INSR: variants seen among roughly 807,000 people sequenced by gnomAD.
INSR encodes the protein IR.
In INSR, 67 loss-of-function variants were observed where a neutral mutation model predicts 142.6. That is an observed-to-expected ratio of 0.47 (90% CI 0.39 to 0.58). The LOEUF (loss-of-function observed/expected upper bound fraction) is 0.58. Ranked by LOEUF, INSR falls within the 20% of genes least tolerant of loss-of-function variation. INSR has a pLI of 0.00. For synonymous variants in INSR, 756 were observed against 743.1 expected, an observed-to-expected ratio of 1.02 and a Z score of -0.28; for missense variants, 1,248 against 1,833.2, an observed-to-expected ratio of 0.68 and a Z score of 5.83.
At chr19:7,144,930 C>T (rs1599900012) in intron 11 of INSR, among the ~76,000 whole-genome samples, 1 of 152,028 alleles carries the variant, frequency 6.6e-6, no homozygotes. Flanking sequence ...TCTCAGCAAC[C>T]CCTAAGCCTT....
intron 2 of INSR, among the ~76,000 whole-genome samples, chr19:7,248,130 CTTTTATT>C (rs1002176980): frequency 4.6e-5 from 7 of 151,818 alleles, no homozygotes; most frequent in South Asian, 2.1e-4. Context: ...AAGACTCCAT[CTTTTATT>C]TTTTATTTTT....
intron 2 of INSR, among the ~76,000 whole-genome samples, chr19:7,224,263 A>T (rs1240756567): frequency 1.7e-4 from 12 of 72,060 alleles, no homozygotes; most frequent in Non-Finnish European, 1.7e-4. Flanking sequence ...TTTTTTTTTT[A>T]AAGACAAAGT....
chr19:7,162,818 C>T (rs1378597870), intron 9 of INSR, among the ~76,000 whole-genome samples: 1 of 151,822 alleles, frequency 6.6e-6, no homozygotes, highest in Non-Finnish European at 1.5e-5. Flanking sequence ...GAAACTCCAT[C>T]TCAAAAAAGT....
At chr19:7,201,229 T>A (rs1974944120) in intron 2 of INSR, among the ~76,000 whole-genome samples, 1 of 152,158 alleles carries the variant, frequency 6.6e-6, no homozygotes, top group Non-Finnish European at 1.5e-5. Context: ...ATTCAGAGCC[T>A]CAATTTCTGG....
At chr19:7,141,472 T>C (rs1389338969) in intron 13 of INSR, 14 of 654,282 alleles carry the variant, frequency 2.1e-5, no homozygotes, top group Non-Finnish European at 3.2e-5. Context: ...TGTGAGAAAC[T>C]AAGAAAAGTA....
chr19:7,150,650 G>A lies in INSR; in HGVS notation c.2232-118C>T. On this transcript the variant is annotated intron_variant, in intron 10 of 21. Transcript: ENST00000302850. The surrounding 1 kb of genome is among the most constrained non-coding windows in gnomAD (Gnocchi z 4.2). Reference sequence around the variant, plus strand: ...TAAGGGCACCCTGGCTTTGACCCTGGACCACTCGCTCCCATCACTTGCTAG... The same window carrying A: ...TAAGGGCACCCTGGCTTTGACCCTGAACCACTCGCTCCCATCACTTGCTAG... 1.1e-6 allele frequency: 1 copy of A among 881,672 alleles called. No homozygotes were observed. The allele number at this position is 881,672 out of a possible 1,614,324, so 54.6% of individuals were successfully genotyped here. A position where few individuals can be genotyped will look rare whatever the true frequency, so the allele number is the denominator to read the frequency against.
chr19:7,283,746 A>G (rs1968269866), intron 1 of INSR, among the ~76,000 whole-genome samples: 1 of 151,988 alleles, frequency 6.6e-6, no homozygotes. Flanking sequence ...CCAGTTTTAA[A>G]CCACTTGCAG....
chr19:7,143,181 G>A, intron 11 of INSR, 91 bp from the exon 12 acceptor site: 1 of 1,440,842 alleles, frequency 6.9e-7, no homozygotes, highest in South Asian at 1.2e-5. Flanking sequence ...TGATTAAGAA[G>A]AAAGATCAGA....
chr19:7,230,081 C>T (rs542470541), intron 2 of INSR, among the ~76,000 whole-genome samples: 4 of 152,186 alleles, frequency 2.6e-5, no homozygotes, highest in African/African-American at 9.6e-5. Flanking sequence ...CATGAGTCAG[C>T]GTACCCGGCT....
At chr19:7,186,782 G>A (rs1030465143) in intron 2 of INSR, among the ~76,000 whole-genome samples, 14 of 151,922 alleles carry the variant, frequency 9.2e-5, no homozygotes, top group African/African-American at 2.9e-4. Context: ...TCAGCTCACT[G>A]TAACCTCTGC....
chr19:7,186,131 G>A (rs1304969684), intron 2 of INSR, among the ~76,000 whole-genome samples: 1 of 152,130 alleles, frequency 6.6e-6, no homozygotes, highest in Non-Finnish European at 1.5e-5. Flanking sequence ...GGGAGGGGAG[G>A]TTGCAGGGAG....
At chr19:7,263,832 T>G (rs546244823) in intron 2 of INSR, among the ~76,000 whole-genome samples, 1 of 152,248 alleles carries the variant, frequency 6.6e-6, no homozygotes, top group Admixed American at 6.5e-5. Context: ...GAGACCAGCC[T>G]GACCAACATG....
intron 2 of INSR, among the ~76,000 whole-genome samples, chr19:7,235,988 T>TTTTG (rs1245300123): frequency 6.6e-6 from 1 of 150,976 alleles, no homozygotes; most frequent in East Asian, 1.9e-4. Context: ...TTTTTTTTTT[T>TTTTG]TTAAAGACAG....
intron 2 of INSR, among the ~76,000 whole-genome samples, chr19:7,199,247 A>C (rs1974881595): frequency 6.6e-6 from 1 of 152,138 alleles, no homozygotes; most frequent in South Asian, 2.1e-4. Flanking sequence ...TTATTCAAGC[A>C]ATCATCACCA....
chr19:7,238,716 G>C (rs1016175010), intron 2 of INSR, among the ~76,000 whole-genome samples: 4 of 151,344 alleles, frequency 2.6e-5, no homozygotes, highest in Non-Finnish European at 5.9e-5. Flanking sequence ...GAATCACAAG[G>C]GTCCAGGCCG....
intron 1 of INSR, among the ~76,000 whole-genome samples, chr19:7,285,574 T>C (rs1383758922): frequency 2.0e-5 from 3 of 152,128 alleles, no homozygotes; most frequent in Non-Finnish European, 4.4e-5. Context: ...AGTTGGAGGC[T>C]GCAGGGAATT....
At chr19:7,246,739 T>A (rs1332959141) in intron 2 of INSR, among the ~76,000 whole-genome samples, 1 of 152,112 alleles carries the variant, frequency 6.6e-6, no homozygotes, top group Non-Finnish European at 1.5e-5. Flanking sequence ...TGATACAAGC[T>A]CCATGATTGA....
intron 8 of INSR, among the ~76,000 whole-genome samples, chr19:7,163,948 A>AAAAAAAAAAAAAAAAAAAT (rs1411048837): frequency 7.3e-5 from 10 of 136,114 alleles, no homozygotes; most frequent in African/African-American, 3.2e-4. Context: ...AAAAAAAAAA[A>AAAAAAAAAAAAAAAAAAAT]ATTAGCTGGA....
intron 2 of INSR, among the ~76,000 whole-genome samples, chr19:7,242,733 T>TAAAA (rs1976394387): frequency 6.7e-5 from 1 of 14,982 alleles, no homozygotes; most frequent in African/African-American, 5.7e-4. Context: ...CGAGACTGCC[T>TAAAA]CAAAAAAAAA....
Sources: gnomAD v4.1 joint callset for allele counts (sites outside exome capture counted in the v4.1 genomes callset) on GRCh38, gnomAD v4.1.1 for gene constraint, Gnocchi (gnomAD v3.1) non-coding constraint, MANE v1.5 for transcripts, NCBI Gene and HGNC (gene_info 2026-07-23, HGNC 2026-07-21) for gene names.